Variants in SFMBT1 observed in about 807,000 individuals in gnomAD.
The protein encoded by SFMBT1 is Scm like with four mbt domains 1, also known as scm-like with four MBT domains protein 1.
Under a neutral mutation model 108.7 loss-of-function variants are expected in SFMBT1, and 32 were observed. The observed-to-expected ratio is 0.29, with a 90% confidence interval of 0.22 to 0.40. SFMBT1 has a LOEUF of 0.40. SFMBT1 is among the 10% of genes least tolerant of loss of function. The probability of loss-of-function intolerance (pLI) is 1.00; values close to 1 mark genes in which losing one functional copy is unlikely to be tolerated. For synonymous variants in SFMBT1, 348 were observed against 369.5 expected (o/e 0.94, Z 0.67); for missense variants, 816 against 1,059.6 (o/e 0.77, Z 3.19).
At chr3:52,921,281 C>A (rs1487145828) in intron 11 of SFMBT1, among the ~76,000 whole-genome samples, 2 of 152,146 alleles carry the variant, frequency 1.3e-5, no homozygotes, top group Non-Finnish European at 2.9e-5. Flanking sequence ...CTTGCATCCA[C>A]AAACCTGTCC....
intron 1 of SFMBT1, among the ~76,000 whole-genome samples, chr3:52,977,222 A>T (rs949631034): frequency 1.3e-5 from 2 of 152,160 alleles, no homozygotes; most frequent in Non-Finnish European, 2.9e-5. Context: ...ATTAAGAAAA[A>T]ACTGGAGGCT....
intron 1 of SFMBT1, among the ~76,000 whole-genome samples, chr3:52,976,435 G>GA (rs1450819000): frequency 6.0e-5 from 9 of 151,152 alleles, no homozygotes; most frequent in Non-Finnish European, 1.0e-4. Context: ...ATTTTGGGAG[G>GA]AAAAAAAATT....
chr3:52,932,907 T>C (rs958490912), intron 5 of SFMBT1, among the ~76,000 whole-genome samples: 1 of 152,172 alleles, frequency 6.6e-6, no homozygotes, highest in African/African-American at 2.4e-5. Context: ...CAAGATTCTG[T>C]CTTTATAAAA....
intron 2 of SFMBT1, among the ~76,000 whole-genome samples, chr3:52,967,559 T>C (rs898314279): frequency 2.6e-5 from 4 of 152,172 alleles, no homozygotes; most frequent in Non-Finnish European, 5.9e-5. Context: ...GGTATGTGTA[T>C]TGCATCTCAA....
At chr3:53,025,863 C>T (rs532183901) in intron 1 of SFMBT1, among the ~76,000 whole-genome samples, 14 of 152,146 alleles carry the variant, frequency 9.2e-5, no homozygotes, top group South Asian at 2.1e-4. Context: ...CTGATCTACA[C>T]GGAAGGCTGG....
At chr3:53,019,380 T>G (rs1423656264) in intron 1 of SFMBT1, among the ~76,000 whole-genome samples, 2 of 116,420 alleles carry the variant, frequency 1.7e-5, no homozygotes, top group African/African-American at 6.2e-5. Flanking sequence ...CTGGTGTGTG[T>G]GTGTGTGGGG....
At chr3:52,922,327 C>CTGTTG (rs1352028709) in intron 10 of SFMBT1, among the ~76,000 whole-genome samples, 1 of 151,986 alleles carries the variant, frequency 6.6e-6, no homozygotes, top group African/African-American at 2.4e-5. Context: ...TGTTTATCAA[C>CTGTTG]AGTGGGAAAG....
intron 1 of SFMBT1, among the ~76,000 whole-genome samples, chr3:53,003,473 G>C (rs2106916400): frequency 6.7e-6 from 1 of 150,262 alleles, no homozygotes. Context: ...GCAAAGTATA[G>C]ATAAAACAAG....
At chr3:53,003,800 A>G (rs1698642470) in intron 1 of SFMBT1, among the ~76,000 whole-genome samples, 1 of 148,984 alleles carries the variant, frequency 6.7e-6, no homozygotes, top group South Asian at 2.1e-4. Context: ...GTATTTCAGC[A>G]GCGTGAGAGG....
At chr3:52,957,465 AAAC>A (rs1430828173) in intron 2 of SFMBT1, among the ~76,000 whole-genome samples, 2 of 152,126 alleles carry the variant, frequency 1.3e-5, no homozygotes, top group East Asian at 3.9e-4. Context: ...ACAGAATTAG[AAAC>A]AAATTTCACA....
At chr3:53,023,382 A>C (rs970151755) in intron 1 of SFMBT1, among the ~76,000 whole-genome samples, 1 of 152,236 alleles carries the variant, frequency 6.6e-6, no homozygotes, top group South Asian at 2.1e-4. Flanking sequence ...GACTAGGCTA[A>C]ACTGGGATTT....
Position 53,001,454 on chromosome 3 carries a change from C to G in SFMBT1, c.-130-32196G>C, listed in dbSNP as rs541469355. Among the ~76,000 whole-genome samples the G allele has an allele frequency of 1.0e-3, 151 of 149,818 alleles. 6 individuals are homozygous for G. The highest frequency in any genetic ancestry group is 4.9e-3 in the South Asian group (23 of 4,728). On this transcript the variant is annotated intron_variant, in intron 1 of 20. Coordinates refer to ENST00000394752, the MANE Select transcript of SFMBT1 (RefSeq NM_016329.4). ...TCAAAAAAGAAAAAGTTCCATCACTCTTAATTATTCTTACATCCTCAGGTC... is the reference window on the plus strand; with the variant it reads ...TCAAAAAAGAAAAAGTTCCATCACTGTTAATTATTCTTACATCCTCAGGTC...
At chr3:52,915,959 G>A (rs1361025405) in intron 14 of SFMBT1, among the ~76,000 whole-genome samples, 191 bp downstream of exon 14, 1 of 152,074 alleles carries the variant, frequency 6.6e-6, no homozygotes, top group Non-Finnish European at 1.5e-5. Flanking sequence ...AGAAATGGAC[G>A]GAACTATCAG....
chr3:53,020,761 TAAGTAA>T (rs1699278213), intron 1 of SFMBT1, among the ~76,000 whole-genome samples: 1 of 152,048 alleles, frequency 6.6e-6, no homozygotes, highest in Non-Finnish European at 1.5e-5. Context: ...TTTTCCATAC[TAAGTAA>T]AAGTAGAGGC....
intron 2 of SFMBT1, among the ~76,000 whole-genome samples, chr3:52,962,197 A>G (rs572212609): frequency 1.3e-5 from 2 of 152,384 alleles, no homozygotes; most frequent in South Asian, 2.1e-4. Flanking sequence ...ACAAAATTAC[A>G]TATGTATTTA....
chr3:52,933,755 A>G (rs1051288970), intron 5 of SFMBT1, among the ~76,000 whole-genome samples: 11 of 152,210 alleles, frequency 7.2e-5, no homozygotes, highest in African/African-American at 2.7e-4. Flanking sequence ...ATGTGAATGG[A>G]TGACAGAAGT....
intron 17 of SFMBT1, among the ~76,000 whole-genome samples, chr3:52,909,570 C>T (rs1328301173): frequency 6.6e-6 from 1 of 152,194 alleles, no homozygotes; most frequent in African/African-American, 2.4e-5. Context: ...GACCCAGATA[C>T]CCACAGACCT....
chr3:53,030,683 C>CAAAAAAAA (rs10668462), intron 1 of SFMBT1, among the ~76,000 whole-genome samples: 29 of 82,606 alleles, frequency 3.5e-4, no homozygotes, highest in East Asian at 1.3e-3. Context: ...GGCCATAATG[C>CAAAAAAAA]AAAAAAAAAA....
At chr3:53,008,329 G>A (rs369866880) in intron 1 of SFMBT1, among the ~76,000 whole-genome samples, 4 of 152,130 alleles carry the variant, frequency 2.6e-5, no homozygotes, top group African/African-American at 7.2e-5. Context: ...AAGAAAACAA[G>A]TTTTCTCTAC....
Sources: allele counts gnomAD v4.1 joint callset (sites outside exome capture counted in the v4.1 genomes callset), GRCh38; gene constraint gnomAD v4.1.1; transcripts MANE v1.5; gene names NCBI Gene and HGNC (gene_info 2026-07-23, HGNC 2026-07-21).